TRIP6: variants seen among roughly 807,000 people sequenced by gnomAD.
TRIP6 encodes thyroid hormone receptor interactor 6.
Under a neutral mutation model 51.9 loss-of-function variants are expected in TRIP6, and 33 were observed. That is an observed-to-expected ratio of 0.64 (90% CI 0.48 to 0.85). The LOEUF is 0.85. Ranked by LOEUF, TRIP6 falls within the 40% of genes least tolerant of loss-of-function variation. The probability of loss-of-function intolerance (pLI) is 0.00; values close to 1 mark genes in which losing one functional copy is unlikely to be tolerated. For synonymous variants in TRIP6, 255 were observed against 275.8 expected, an observed-to-expected ratio of 0.92 and a Z score of 0.75; for missense variants, 661 against 652.1, an observed-to-expected ratio of 1.01 and a Z score of -0.15.
chr7:100,872,653 G>T lies in TRIP6; in HGVS notation c.1208G>T (p.Gly403Val), dbSNP rs1324212724. 6.2e-7 allele frequency: 1 copy of T among 1,613,986 alleles called. No individual in the cohort carries two copies. ...RKFAPRCSVCGGAIMPEPGQE... is the reference protein window; with the variant it reads ...RKFAPRCSVCVGAIMPEPGQE... The stretch of plus-strand genomic sequence containing the variant: ...TTTGCCCCAAGATGCTCAGTGTGCG[G>T]TGGGGCCATAATGCCTGAGCCAGGT... Residue 403 changes from glycine (G) to valine (V), a missense_variant, in exon 8 of 9, where the codon GGT (glycine) becomes GTT (valine). Coordinates refer to ENST00000200457, the MANE Select transcript of TRIP6 (RefSeq NM_003302.3).
Position 100,868,242 on chromosome 7 carries a change from G to T in TRIP6, c.363+9G>T. On this transcript the variant is annotated intron_variant, in intron 3 of 8. Coordinates refer to ENST00000200457, the MANE Select transcript of TRIP6 (RefSeq NM_003302.3). ...GGCGACCAGACCGACAGGTGACTCT[G>T]CCCCTCCTCCCCGTCAGCACCCTGC... 6.2e-7 allele frequency: 1 copy of T among 1,605,624 alleles called. No homozygotes were observed.
At chr7:100,869,751 A>G (rs1219961565) in intron 4 of TRIP6, among the ~76,000 whole-genome samples, 3 of 128,976 alleles carry the variant, frequency 2.3e-5, no homozygotes, top group South Asian at 2.6e-4. Context: ...GCAGTCCCCA[A>G]TCTTTTTGGC....
In TRIP6 at chr7:100,868,172, G is replaced by A; in HGVS notation, c.302G>A (p.Ser101Asn). 1 of 1,610,614 alleles carries A rather than the reference G, an allele frequency of 6.2e-7. No homozygotes were observed. The highest frequency in any genetic ancestry group is 1.1e-5 in the South Asian group (1 of 90,816). Residue 101 changes from serine to asparagine, a missense_variant, in exon 3 of 9, where the codon AGC becomes AAC. Coordinates refer to ENST00000200457, the MANE Select transcript of TRIP6 (RefSeq NM_003302.3). ...CTGGACGCCGAGATAGACTTGCTGAGCAGCACGCTGGCCGAGCTGAATGGG... is the reference window on the plus strand; with the variant it reads ...CTGGACGCCGAGATAGACTTGCTGAACAGCACGCTGGCCGAGCTGAATGGG... ...GSLDAEIDLL[S>N]STLAELNGGR...
chr7:100,870,493 G>A (rs375885013), intron 5 of TRIP6, 30 bp downstream of exon 5: 14 of 1,607,042 alleles, frequency 8.7e-6, no homozygotes, highest in Admixed American at 1.7e-5. Flanking sequence ...TGGGTGGGAC[G>A]TGGGAAGGGA....
chr7:100,873,203 A>T lies in TRIP6; in HGVS notation c.1331A>T (p.Glu444Val). Residue 444 changes from glutamate to valine, a missense_variant, in exon 9 of 9, where the codon GAG becomes GTG. Glu to Val is a moderately radical substitution (Grantham distance 121). Coordinates refer to ENST00000200457, the MANE Select transcript of TRIP6 (RefSeq NM_003302.3). ...ECGLLLSSEGECQGCYPLDGH... is the reference protein window; with the variant it reads ...ECGLLLSSEGVCQGCYPLDGH... ...GGGCTGCTGCTCTCCTCTGAGGGCGAGTGTCAGGGCTGCTACCCGCTGGAT... is the reference window on the plus strand; with the variant it reads ...GGGCTGCTGCTCTCCTCTGAGGGCGTGTGTCAGGGCTGCTACCCGCTGGAT... 1 of 1,613,474 alleles carries T rather than the reference A, an allele frequency of 6.2e-7. No homozygotes were observed. The highest frequency in any genetic ancestry group is 1.1e-5 in the South Asian group (1 of 91,054).
Position 100,873,144 on chromosome 7 carries a change from C to T in TRIP6, c.1300-28C>T, listed in dbSNP as rs375159830. 112 of 1,600,126 alleles carry T rather than the reference C, an allele frequency of 7.0e-5. No individual in the cohort carries two copies. In the African/African-American group the frequency reaches 9.4e-4, roughly 13 times the overall value. ...GATTACAGGCGTGAGCCATCGCGCC[C>T]GGCCAATTGTTGCTTCTTTTTCAAC... On this transcript the variant is annotated intron_variant, in intron 8 of 8. Transcript: ENST00000200457.
chr7:100,871,202 T>C (rs1815261600), intron 6 of TRIP6: 1 of 439,584 alleles, frequency 2.3e-6, no homozygotes, highest in Non-Finnish European at 4.3e-6. Flanking sequence ...ACCCAGCTAA[T>C]TTTTGTATTT....
chr7:100,872,642 C>T lies in TRIP6; in HGVS notation c.1197C>T (p.Cys399=), dbSNP rs1815297796. 6.2e-7 allele frequency: 1 copy of T among 1,613,960 alleles called. No individual in the cohort carries two copies. The highest frequency in any genetic ancestry group is 1.3e-5 in the African/African-American group (1 of 74,924). ...EDFHRKFAPR[C]SVCGGAIMPE... ...CCTGCAGGAAGTTTGCCCCAAGATG[C>T]TCAGTGTGCGGTGGGGCCATAATGC... The change falls in exon 8 of 9, where the codon TGC becomes TGT. Residue 399 remains cysteine (C), a synonymous_variant. Coordinates refer to ENST00000200457, the MANE Select transcript of TRIP6 (RefSeq NM_003302.3).
At chr7:100,873,116 T>C in intron 8 of TRIP6, 56 bp from the exon 9 acceptor site, 1 of 1,582,332 alleles carries the variant, frequency 6.3e-7, no homozygotes, top group Non-Finnish European at 8.6e-7. Flanking sequence ...CTCAAAGTGC[T>C]GGGATTACAG....
Position 100,868,608 on chromosome 7 carries a change from C to T in TRIP6, c.477C>T (p.Thr159=), listed in dbSNP as rs140266307. 2.7e-5 allele frequency: 43 copies of T among 1,612,900 alleles called. No individual in the cohort carries two copies. The African/African-American group carries it at 5.1e-4, about 19-fold the overall frequency. Residue 159 remains threonine (T), a synonymous_variant, in exon 4 of 9, where the codon ACC becomes ACT. Transcript: ENST00000200457. ...YGGPTPASYT[T]ASTPAGPAFP... ...GCCCCACTCCAGCCTCTTACACTAC[C>T]GCCAGCACCCCGGCTGGCCCAGCCT... is the stretch of plus-strand genomic sequence containing the variant.
At chr7:100,870,523 C>G in intron 5 of TRIP6, 51 bp from the exon 6 acceptor site, 1 of 1,606,458 alleles carries the variant, frequency 6.2e-7, no homozygotes, top group Admixed American at 1.7e-5. Context: ...ACAGAGGGGA[C>G]AGTGGCTTCC....
At position 100,871,530 on chromosome 7, in the gene TRIP6, T is replaced by A; in HGVS notation, c.1000-13T>A. The A allele has an allele frequency of 6.2e-7, 1 of 1,610,312 alleles. No homozygotes were observed. The highest frequency in any genetic ancestry group is 1.1e-5 in the South Asian group (1 of 91,000). ...CGCCCGCTCCCAGATCTTCCTGCCT[T>A]CCTTCCCAACAGGCCACCCTGGAGA... On this transcript the variant is annotated splice_polypyrimidine_tract_variant and intron_variant, in intron 6 of 8. Coordinates refer to ENST00000200457, the MANE Select transcript of TRIP6 (RefSeq NM_003302.3).
rs762556653 is a variant in TRIP6, at chr7:100,867,471, G to A, written c.-27G>A. The A allele has an allele frequency of 7.0e-6, 10 of 1,419,894 alleles. No homozygotes were observed. Among genetic ancestry groups the A allele is most frequent in the South Asian group, 1.5e-5 (1 of 68,834 alleles). 88.0% of individuals were successfully genotyped at this position (1,419,894 alleles called of 1,614,324 possible). A position where few individuals can be genotyped will look rare whatever the true frequency, so the allele number is the denominator to read the frequency against. ...GCCAGAGGCTCGGGGCTTCAAGACCGCTGTCTGGAGTCCCCCTTTCCAGGC... is the reference window on the plus strand; with the variant it reads ...GCCAGAGGCTCGGGGCTTCAAGACCACTGTCTGGAGTCCCCCTTTCCAGGC... On this transcript the variant is annotated 5_prime_UTR_variant, in exon 1 of 9. Coordinates refer to ENST00000200457, the MANE Select transcript of TRIP6 (RefSeq NM_003302.3). This position sits in a 1 kb window ranked among gnomAD's most constrained non-coding sequence, Gnocchi z 5.4.
chr7:100,868,300 C>T (rs571450102), intron 3 of TRIP6, 67 bp downstream of exon 3: 19 of 1,574,592 alleles, frequency 1.2e-5, no homozygotes, highest in African/African-American at 8.1e-5. Context: ...CCAGCCTGAT[C>T]GATCCCCCAT....
At chr7:100,872,859 T>C in intron 8 of TRIP6, 115 bp downstream of exon 8, 43 of 1,461,462 alleles carry the variant, frequency 2.9e-5, no homozygotes, top group Non-Finnish European at 3.8e-5. Flanking sequence ...TTTCTTTTTT[T>C]TTTTTTTTTG....
chr7:100,869,635 A>C (rs1220118615), intron 4 of TRIP6, among the ~76,000 whole-genome samples: 1 of 147,392 alleles, frequency 6.8e-6, no homozygotes, highest in African/African-American at 2.5e-5. Context: ...TCTGTCTCAA[A>C]AAAAAAAAAA....
intron 3 of TRIP6, 51 bp downstream of exon 3, chr7:100,868,284 T>C: frequency 6.3e-7 from 1 of 1,586,914 alleles, no homozygotes. Context: ...CTCTGGACTC[T>C]CAGACCCAGC....
In TRIP6 at chr7:100,871,652, G is replaced by T; in HGVS notation, c.1109G>T (p.Arg370Leu). ...TGCTTCACCTGCGTGGTGTGTCACC[G>T]CGGCCTCGACGGCATCCCCTTCACA... ...PGCFTCVVCH[R>L]GLDGIPFTVD... is the part of the protein sequence containing the mutation. The change falls in exon 7 of 9, where the codon CGC (arginine) becomes CTC (leucine). Residue 370 changes from arginine (R) to leucine (L), a missense_variant. By Grantham distance (102) the Arg-to-Leu change is moderately radical. Coordinates refer to ENST00000200457, the MANE Select transcript of TRIP6 (RefSeq NM_003302.3). 1 of 1,614,026 alleles carries T rather than the reference G, an allele frequency of 6.2e-7. No individual in the cohort carries two copies. Among genetic ancestry groups the T allele is most frequent in the Non-Finnish European group, 8.5e-7 (1 of 1,180,030 alleles).
chr7:100,868,300 CGAT>C, intron 3 of TRIP6, 67 bp downstream of exon 3: 1 of 1,574,592 alleles, frequency 6.4e-7, no homozygotes, highest in Non-Finnish European at 8.6e-7. Context: ...CCAGCCTGAT[CGAT>C]CCCCCATGTG....
Sources: gnomAD v4.1 joint callset for allele counts (sites outside exome capture counted in the v4.1 genomes callset) on GRCh38, gnomAD v4.1.1 for gene constraint, Gnocchi (gnomAD v3.1) non-coding constraint, MANE v1.5 for transcripts, NCBI Gene and HGNC (gene_info 2026-07-23, HGNC 2026-07-21) for gene names.